The following VEPH1 variants were observed in gnomAD, a reference collection of about 807,000 sequenced individuals.
VEPH1 encodes the protein ventricular zone expressed PH domain containing 1.
A neutral mutation model predicts 85.2 loss-of-function variants in VEPH1; 80 were observed. The ratio of observed to expected loss-of-function variants is 0.94; its 90% confidence interval spans 0.78 to 1.13. The LOEUF (loss-of-function observed/expected upper bound fraction) is 1.13, where lower values mean the gene tolerates loss of function less well. VEPH1 is among the 50% of genes most tolerant of loss of function. The pLI, the probability that VEPH1 is intolerant of heterozygous loss-of-function variation, is 0.00. For synonymous variants in VEPH1, 297 were observed against 348.0 expected, an observed-to-expected ratio of 0.85 and a Z score of 1.63; for missense variants, 955 against 980.5, an observed-to-expected ratio of 0.97 and a Z score of 0.35.
chr3:157,461,243 A>T (rs981155250), intron 3 of VEPH1, among the ~76,000 whole-genome samples: 1 of 152,252 alleles, frequency 6.6e-6, no homozygotes, highest in Non-Finnish European at 1.5e-5. Context: ...TAGAAAATAC[A>T]AATTGCTTTC....
At chr3:157,284,439 A>C (rs1716523924) in intron 12 of VEPH1, among the ~76,000 whole-genome samples, 1 of 152,228 alleles carries the variant, frequency 6.6e-6, no homozygotes, top group Non-Finnish European at 1.5e-5. Flanking sequence ...GATGCAAGGA[A>C]TATGCTAGCT....
chr3:157,366,736 A>AAAC (rs554197910), intron 7 of VEPH1, among the ~76,000 whole-genome samples: 30 of 152,186 alleles, frequency 2.0e-4, no homozygotes, highest in East Asian at 3.9e-4. Context: ...ACTGTCTCAA[A>AAAC]AACAACAACA....
chr3:157,441,459 A>G (rs556588757), intron 4 of VEPH1, among the ~76,000 whole-genome samples: 3 of 152,316 alleles, frequency 2.0e-5, no homozygotes, highest in Admixed American at 1.3e-4. Context: ...TTTCAAAGGT[A>G]GTTTTCTAAA....
chr3:157,337,605 T>C (rs2108630194), intron 9 of VEPH1, among the ~76,000 whole-genome samples: 1 of 152,164 alleles, frequency 6.6e-6, no homozygotes, highest in South Asian at 2.1e-4. Context: ...CTTTCTTTAG[T>C]TTTTTTCCTA....
Position 157,495,414 on chromosome 3 carries a change from G to C in VEPH1, c.-65C>G, listed in dbSNP as rs1335090725. 9 of 1,580,962 alleles carry C rather than the reference G, an allele frequency of 5.7e-6. No homozygotes were observed. Among genetic ancestry groups the C allele is most frequent in the East Asian group, 2.2e-5 (1 of 44,568 alleles). On this transcript the variant is annotated 5_prime_UTR_variant, in exon 2 of 14. Coordinates refer to ENST00000362010, the MANE Select transcript of VEPH1 (RefSeq NM_001167912.2). ...AGAGTCATGTGTTCCAGTTATCAGA[G>C]GTCAGTAAGACAAAAACATGTAGAA...
At chr3:157,434,713 A>G (rs946942334) in intron 4 of VEPH1, among the ~76,000 whole-genome samples, 2 of 152,166 alleles carry the variant, frequency 1.3e-5, no homozygotes, top group African/African-American at 4.8e-5. Flanking sequence ...TTTAGCAAAT[A>G]ATATTGTACT....
intron 11 of VEPH1, among the ~76,000 whole-genome samples, chr3:157,291,961 A>G (rs1229115457): frequency 6.6e-6 from 1 of 152,190 alleles, no homozygotes; most frequent in East Asian, 1.9e-4. Context: ...CTATCTCTAT[A>G]TATCTGCATA....
intron 9 of VEPH1, among the ~76,000 whole-genome samples, chr3:157,341,226 C>T (rs772028898): frequency 9.9e-5 from 15 of 152,122 alleles, no homozygotes; most frequent in Non-Finnish European, 1.3e-4. Context: ...CAAACTTCTC[C>T]GAGCTAAAGG....
chr3:157,485,528 A>G (rs956280724), intron 2 of VEPH1, among the ~76,000 whole-genome samples: 1 of 152,102 alleles, frequency 6.6e-6, no homozygotes, highest in Non-Finnish European at 1.5e-5. Context: ...TCTTCAACCC[A>G]CTAGTCCCAA....
chr3:157,354,416 A>C (rs1460626270), intron 9 of VEPH1, among the ~76,000 whole-genome samples: 1 of 151,942 alleles, frequency 6.6e-6, no homozygotes, highest in African/African-American at 2.4e-5. Context: ...CTTTCCTTTG[A>C]AATATATCTG....
At chr3:157,353,455 T>C (rs1206348252) in intron 9 of VEPH1, among the ~76,000 whole-genome samples, 2 of 151,862 alleles carry the variant, frequency 1.3e-5, no homozygotes, top group Admixed American at 6.6e-5. Context: ...TTAATAGAGG[T>C]GGGGTTTTGC....
At chr3:157,301,018 G>A (rs141497868) in intron 11 of VEPH1, among the ~76,000 whole-genome samples, 69 of 152,244 alleles carry the variant, frequency 4.5e-4, no homozygotes, top group African/African-American at 1.1e-3. Flanking sequence ...TATTAATCCC[G>A]GATGAACTAT....
At chr3:157,435,515 CCCTG>C (rs1733498654) in intron 4 of VEPH1, among the ~76,000 whole-genome samples, 1 of 152,164 alleles carries the variant, frequency 6.6e-6, no homozygotes, top group Admixed American at 6.5e-5. Flanking sequence ...CAGTAGGTAA[CCCTG>C]TGAGGGTCCT....
intron 2 of VEPH1, among the ~76,000 whole-genome samples, chr3:157,489,614 A>G (rs1345275773): frequency 6.6e-6 from 1 of 152,070 alleles, no homozygotes; most frequent in Non-Finnish European, 1.5e-5. Flanking sequence ...TTAATTTTCT[A>G]CATAGCACTT....
At chr3:157,304,281 A>G (rs1452781021) in intron 11 of VEPH1, among the ~76,000 whole-genome samples, 1 of 152,022 alleles carries the variant, frequency 6.6e-6, no homozygotes. Context: ...ACTGAAAACA[A>G]ATCACCAAAT....
At chr3:157,413,645 G>T in intron 6 of VEPH1, 1 of 985,218 alleles carries the variant, frequency 1.0e-6, no homozygotes, top group Non-Finnish European at 1.2e-6. Flanking sequence ...TGATTCAGAG[G>T]CCATTGTCCA....
intron 4 of VEPH1, among the ~76,000 whole-genome samples, chr3:157,448,890 C>T (rs991951725): frequency 3.3e-5 from 5 of 152,158 alleles, no homozygotes; most frequent in Admixed American, 6.5e-5. Flanking sequence ...GTGGGAGATA[C>T]TTGAATCATG....
At chr3:157,383,086 C>T (rs1056040821) in intron 6 of VEPH1, among the ~76,000 whole-genome samples, 3 of 152,134 alleles carry the variant, frequency 2.0e-5, no homozygotes, top group South Asian at 2.1e-4. Context: ...GCCTCAGCCT[C>T]CCAAAATGCT....
chr3:157,375,764 C>T (rs1441286706), intron 7 of VEPH1, among the ~76,000 whole-genome samples: 1 of 152,144 alleles, frequency 6.6e-6, no homozygotes, highest in South Asian at 2.1e-4. Flanking sequence ...TCAGTTTTGA[C>T]TATAATTTCG....
Sources: allele counts gnomAD v4.1 joint callset (sites outside exome capture counted in the v4.1 genomes callset), GRCh38; gene constraint gnomAD v4.1.1; transcripts MANE v1.5; gene names NCBI Gene and HGNC (gene_info 2026-07-23, HGNC 2026-07-21).